FAM81B: variants seen among roughly 807,000 people sequenced by gnomAD.
FAM81B encodes the protein family with sequence similarity 81 member B.
Under a neutral mutation model 58.7 loss-of-function variants are expected in FAM81B, and 60 were observed. The observed-to-expected ratio is 1.02, with a 90% CI of 0.83 to 1.27. The LOEUF (loss-of-function observed/expected upper bound fraction) is 1.27. Among genes scored for constraint, FAM81B ranks in the 50% most tolerant of loss-of-function variants. The pLI is 0.00. For synonymous variants in FAM81B, 189 were observed against 179.6 expected, an observed-to-expected ratio of 1.05 and a Z score of -0.42; for missense variants, 491 against 522.0, an observed-to-expected ratio of 0.94 and a Z score of 0.58.
chr5:95,405,499 C>T (rs1357087205), intron 3 of FAM81B, among the ~76,000 whole-genome samples: 1 of 152,042 alleles, frequency 6.6e-6, no homozygotes, highest in Non-Finnish European at 1.5e-5. Context: ...TCTTATTTTA[C>T]TAATATCTTC....
chr5:95,400,279 C>A (rs1762071532), intron 3 of FAM81B, among the ~76,000 whole-genome samples: 1 of 152,104 alleles, frequency 6.6e-6, no homozygotes, highest in African/African-American at 2.4e-5. Context: ...TTGTCTCCTG[C>A]CTAGCTTTTG....
intron 6 of FAM81B, among the ~76,000 whole-genome samples, chr5:95,434,968 A>G (rs1017852944): frequency 1.3e-5 from 2 of 152,254 alleles, no homozygotes; most frequent in African/African-American, 4.8e-5. Context: ...TGATGAAGAA[A>G]AATTGGGAGG....
chr5:95,429,144 G>C (rs182486890), intron 6 of FAM81B, among the ~76,000 whole-genome samples: 3 of 152,284 alleles, frequency 2.0e-5, no homozygotes, highest in African/African-American at 4.8e-5. Context: ...CCTGCAATGG[G>C]TTGTATCTCT....
intron 5 of FAM81B, among the ~76,000 whole-genome samples, chr5:95,421,417 G>A (rs1762680210): frequency 6.6e-6 from 1 of 152,194 alleles, no homozygotes; most frequent in Non-Finnish European, 1.5e-5. Context: ...AAAGAACTGA[G>A]GGAAGGATCA....
chr5:95,411,495 CAT>C (rs1230292598), intron 3 of FAM81B, among the ~76,000 whole-genome samples: 3 of 152,110 alleles, frequency 2.0e-5, no homozygotes, highest in Non-Finnish European at 2.9e-5. Context: ...TAACAACAGT[CAT>C]ATGGGTATAA....
At chr5:95,405,418 C>T (rs1404549030) in intron 3 of FAM81B, among the ~76,000 whole-genome samples, 1 of 152,076 alleles carries the variant, frequency 6.6e-6, no homozygotes, top group Non-Finnish European at 1.5e-5. Flanking sequence ...TTTATCCTAC[C>T]TTTTATTTTT....
chr5:95,417,355 A>T (rs955699607), intron 4 of FAM81B, among the ~76,000 whole-genome samples: 2 of 152,130 alleles, frequency 1.3e-5, no homozygotes. Context: ...TTTTAAAGTG[A>T]CTATTTAAAG....
chr5:95,431,973 T>A (rs1278765483), intron 6 of FAM81B, among the ~76,000 whole-genome samples: 1 of 151,964 alleles, frequency 6.6e-6, no homozygotes, highest in Non-Finnish European at 1.5e-5. Flanking sequence ...CCCCAAACAA[T>A]GTTAGATAGT....
intron 7 of FAM81B, among the ~76,000 whole-genome samples, chr5:95,444,530 G>C (rs1013869362): frequency 6.6e-6 from 1 of 152,172 alleles, no homozygotes; most frequent in Non-Finnish European, 1.5e-5. Context: ...GGGAGTCTAC[G>C]TATCCAGTGG....
rs528242654 is a variant in FAM81B at position 95,446,787 on chromosome 5, A to G, written c.1029+90A>G. ...TCTGGGAATTTGTACTTCAACATTT[A>G]TGGTAATCTTCACTGCTTCAGTAAC... On this transcript the variant is annotated intron_variant, in intron 8 of 9. Transcript: ENST00000283357. 152 of 1,498,564 alleles carry G rather than the reference A, an allele frequency of 1.0e-4. No homozygotes were observed. In the African/African-American group the frequency reaches 2.1e-3, roughly 20 times the overall value. The allele number at this position is 1,498,564 out of a possible 1,614,324, so 92.8% of individuals were successfully genotyped here.
rs1762704592 is a variant in FAM81B, at chr5:95,422,203, C to T, written c.656+1801C>T. On this transcript the variant is annotated intron_variant, in intron 5 of 9. Coordinates refer to ENST00000283357, the MANE Select transcript of FAM81B (RefSeq NM_152548.3). ...CATTTCTGTTAAAAATAAAAGATGC[C>T]GTCTTGGAAATAATACATATGGTTG... Among the ~76,000 whole-genome samples the T allele has an allele frequency of 5.3e-5, 8 of 151,746 alleles. No homozygotes were observed. In the South Asian group the frequency reaches 1.7e-3, roughly 32 times the overall value.
intron 3 of FAM81B, among the ~76,000 whole-genome samples, chr5:95,409,754 T>C (rs1762359270): frequency 6.6e-6 from 1 of 152,188 alleles, no homozygotes; most frequent in Admixed American, 6.5e-5. Context: ...TAAAATTATA[T>C]CTGTGGCCAA....
chr5:95,446,951 T>TAAAA (rs562369898), intron 8 of FAM81B, among the ~76,000 whole-genome samples: 4,091 of 144,910 alleles, frequency 0.028, 175 homozygotes, highest in African/African-American at 0.096. Flanking sequence ...TTTTTTTTTT[T>TAAAA]AAAAAAAAAA....
intron 5 of FAM81B, among the ~76,000 whole-genome samples, chr5:95,426,825 G>A (rs1374405112): frequency 6.6e-6 from 1 of 152,266 alleles, no homozygotes; most frequent in African/African-American, 2.4e-5. Context: ...GAGGCGGGCC[G>A]ATCACGAGGT....
intron 2 of FAM81B, among the ~76,000 whole-genome samples, chr5:95,395,344 G>A (rs1436041846): frequency 6.6e-6 from 1 of 151,168 alleles, no homozygotes; most frequent in African/African-American, 2.4e-5. Flanking sequence ...GCAGGAGGCT[G>A]AGGCAGGAGA....
At chr5:95,417,959 C>T (rs891192443) in intron 4 of FAM81B, among the ~76,000 whole-genome samples, 4 of 152,128 alleles carry the variant, frequency 2.6e-5, no homozygotes, top group Non-Finnish European at 5.9e-5. Flanking sequence ...AAGTATTTTG[C>T]TTTGTAATTT....
chr5:95,402,744 A>G (rs253720), intron 3 of FAM81B, among the ~76,000 whole-genome samples: 74,564 of 152,060 alleles, frequency 0.49, 18,744 homozygotes, highest in South Asian at 0.69. Context: ...ACATTAGCCA[A>G]TAGCACCTCA....
At chr5:95,415,922 G>T (rs370057700) in intron 4 of FAM81B, among the ~76,000 whole-genome samples, 1 of 152,086 alleles carries the variant, frequency 6.6e-6, no homozygotes, top group African/African-American at 2.4e-5. Context: ...TAGAAATCTT[G>T]TAAACAGTTT....
chr5:95,398,066 A>G (rs62365002), intron 3 of FAM81B, among the ~76,000 whole-genome samples: 4,043 of 152,356 alleles, frequency 0.027, 59 homozygotes, highest in Non-Finnish European at 0.044. Context: ...ATAAGTGCAG[A>G]CATTTTGAAT....
Sources: allele counts gnomAD v4.1 joint callset (sites outside exome capture counted in the v4.1 genomes callset), GRCh38; gene constraint gnomAD v4.1.1; transcripts MANE v1.5; gene names NCBI Gene and HGNC (gene_info 2026-07-23, HGNC 2026-07-21).